The following MEMO1 variants were observed in gnomAD, a reference collection of about 807,000 sequenced individuals.
MEMO1 encodes mediator of cell motility 1.
MEMO1 carries 6 observed loss-of-function variants against 45.2 expected under a neutral mutation model. The ratio of observed to expected loss-of-function variants is 0.13; its 90% CI spans 0.07 to 0.26. The LOEUF (loss-of-function observed/expected upper bound fraction) is 0.26. Among genes scored for constraint, MEMO1 ranks in the 10% least tolerant of loss-of-function variants. The pLI, the probability that MEMO1 is intolerant of heterozygous loss-of-function variation, is 1.00. For synonymous variants in MEMO1, 78 were observed against 124.3 expected (o/e 0.63, Z 2.48); for missense variants, 184 against 370.5 (o/e 0.50, Z 4.13).
intron 9 of MEMO1, among the ~76,000 whole-genome samples, chr2:31,869,171 T>C (rs1572514963): frequency 6.6e-6 from 1 of 152,296 alleles, no homozygotes; most frequent in East Asian, 1.9e-4. Flanking sequence ...TAGTCTATTC[T>C]GGACTACATT....
chr2:31,909,584 T>C (rs575200497), intron 6 of MEMO1, among the ~76,000 whole-genome samples: 1 of 152,262 alleles, frequency 6.6e-6, no homozygotes, highest in East Asian at 1.9e-4. Context: ...CAGGAAAATT[T>C]TGAAACACTG....
chr2:31,897,461 T>C (rs1483952968), intron 6 of MEMO1, among the ~76,000 whole-genome samples: 18 of 152,260 alleles, frequency 1.2e-4, no homozygotes, highest in Admixed American at 1.1e-3. Flanking sequence ...CTTTTCTGCA[T>C]GTATTGAGAC....
intron 3 of MEMO1, among the ~76,000 whole-genome samples, chr2:31,939,092 A>T (rs994768238): frequency 3.8e-5 from 5 of 133,104 alleles, no homozygotes; most frequent in African/African-American, 1.4e-4. Context: ...TAACAATGAA[A>T]GATTTGTTTT....
intron 4 of MEMO1, among the ~76,000 whole-genome samples, chr2:31,922,740 T>C (rs1682502309): frequency 6.6e-6 from 1 of 152,042 alleles, no homozygotes; most frequent in South Asian, 2.1e-4. Context: ...TGTTTTCTGT[T>C]CCTACGGGAG....
intron 2 of MEMO1, among the ~76,000 whole-genome samples, chr2:32,008,575 C>G (rs1001343791): frequency 6.6e-6 from 1 of 152,064 alleles, no homozygotes; most frequent in Non-Finnish European, 1.5e-5. Flanking sequence ...CAGAGCAAGA[C>G]TCCGTCTAGA....
chr2:31,988,660 C>T (rs1671570816), intron 2 of MEMO1, among the ~76,000 whole-genome samples: 1 of 152,200 alleles, frequency 6.6e-6, no homozygotes, highest in Admixed American at 6.6e-5. Flanking sequence ...AAACACTCAC[C>T]AAATTTTTTA....
At chr2:31,922,121 C>G (rs1384957762) in intron 4 of MEMO1, among the ~76,000 whole-genome samples, 1 of 152,040 alleles carries the variant, frequency 6.6e-6, no homozygotes, top group African/African-American at 2.4e-5. Flanking sequence ...TGCTATGTAG[C>G]TAGAAAAGTA....
At chr2:31,951,385 G>A (rs1223912526) in intron 2 of MEMO1, among the ~76,000 whole-genome samples, 1 of 152,100 alleles carries the variant, frequency 6.6e-6, no homozygotes, top group Non-Finnish European at 1.5e-5. Context: ...TCACTATGAT[G>A]TTCTGATATT....
At chr2:31,989,436 A>G (rs947627697) in intron 2 of MEMO1, among the ~76,000 whole-genome samples, 2 of 152,232 alleles carry the variant, frequency 1.3e-5, no homozygotes, top group Non-Finnish European at 2.9e-5. Context: ...TTGACAACAA[A>G]TAATGAAATG....
At chr2:31,998,747 T>C (rs192229270) in intron 2 of MEMO1, among the ~76,000 whole-genome samples, 4 of 149,194 alleles carry the variant, frequency 2.7e-5, no homozygotes, top group African/African-American at 7.4e-5. Flanking sequence ...TTGCAGTGAG[T>C]AGAGATCATG....
chr2:31,966,037 T>C lies in MEMO1; in HGVS notation c.62-22654A>G, dbSNP rs552329136. ...TTATATGGAGTGGTTAAGCATTAAA[T>C]GGAATAACACATATTAAACATATGT... On this transcript the variant is annotated intron_variant, in intron 2 of 9. Transcript: ENST00000404530. Among the ~76,000 whole-genome samples, 12 of 152,288 alleles carry C rather than the reference T, an allele frequency of 7.9e-5. No homozygotes were observed. The South Asian group carries it at 2.3e-3, about 29-fold the overall frequency.
At chr2:31,902,143 G>A (rs1460587366) in intron 6 of MEMO1, among the ~76,000 whole-genome samples, 1 of 151,724 alleles carries the variant, frequency 6.6e-6, no homozygotes, top group Non-Finnish European at 1.5e-5. Context: ...TAGACCAGGT[G>A]TGCTGGCTCA....
intron 6 of MEMO1, among the ~76,000 whole-genome samples, chr2:31,913,811 A>T (rs1246993582): frequency 6.6e-6 from 1 of 152,164 alleles, no homozygotes; most frequent in African/African-American, 2.4e-5. Context: ...AGTTTCTACA[A>T]ATCCAATCAC....
At chr2:32,003,808 T>G (rs1036688917) in intron 2 of MEMO1, among the ~76,000 whole-genome samples, 3 of 151,976 alleles carry the variant, frequency 2.0e-5, no homozygotes, top group African/African-American at 7.3e-5. Context: ...TCCCAGCACT[T>G]TGGGAGGCCA....
intron 7 of MEMO1, among the ~76,000 whole-genome samples, chr2:31,885,121 C>CT (rs1027463344): frequency 1.1e-4 from 16 of 151,870 alleles, no homozygotes; most frequent in Admixed American, 8.6e-4. Context: ...CACTATTTTT[C>CT]TTTTTTTCTT....
At chr2:31,927,219 C>T (rs886077232) in intron 4 of MEMO1, among the ~76,000 whole-genome samples, 3 of 152,100 alleles carry the variant, frequency 2.0e-5, no homozygotes, top group Non-Finnish European at 4.4e-5. Flanking sequence ...ACTCGGGAGA[C>T]TGAGGCAGGA....
intron 8 of MEMO1, among the ~76,000 whole-genome samples, chr2:31,873,138 G>C (rs139014394): frequency 6.6e-6 from 1 of 152,150 alleles, no homozygotes; most frequent in Non-Finnish European, 1.5e-5. Context: ...TAGAAGATAT[G>C]ATCAGTAAGT....
In MEMO1 at chr2:31,988,903, T is replaced by C. The variant is rs1671600772; in HGVS notation, c.61+21284A>G. Among the ~76,000 whole-genome samples the C allele has an allele frequency of 3.3e-5, 5 of 152,150 alleles. No homozygotes were observed. The South Asian group carries it at 1.0e-3, about 32-fold the overall frequency. The stretch of plus-strand genomic sequence containing the variant: ...TACTCTTGGGTATCTGAAAGTTATT[T>C]CCTTGAAAATGAATAGTGGGCAGCC... On this transcript the variant is annotated intron_variant, in intron 2 of 9. Transcript: ENST00000404530.
intron 2 of MEMO1, among the ~76,000 whole-genome samples, chr2:31,953,062 CT>C (rs1200040174): frequency 2.0e-5 from 3 of 152,150 alleles, no homozygotes; most frequent in African/African-American, 7.2e-5. Flanking sequence ...ACTTATAAAG[CT>C]TTTTCCATAT....
Sources: gnomAD v4.1 joint callset for allele counts (sites outside exome capture counted in the v4.1 genomes callset) on GRCh38, gnomAD v4.1.1 for gene constraint, MANE v1.5 for transcripts, NCBI Gene and HGNC (gene_info 2026-07-23, HGNC 2026-07-21) for gene names.